Variants in IL1RAPL1 observed in about 807,000 individuals in gnomAD.
IL1RAPL1 encodes the protein interleukin 1 receptor accessory protein like 1, also known as interleukin-1 receptor accessory protein-like 1.
IL1RAPL1 carries 3 observed loss-of-function variants against 48.4 expected under a neutral mutation model. That is an observed-to-expected ratio of 0.06 (90% CI 0.03 to 0.16). The LOEUF is 0.16. Among genes scored for constraint, IL1RAPL1 ranks in the 10% least tolerant of loss-of-function variants. The probability of loss-of-function intolerance (pLI) is 1.00; values close to 1 mark genes in which losing one functional copy is unlikely to be tolerated. For synonymous variants in IL1RAPL1, 185 were observed against 187.7 expected, an observed-to-expected ratio of 0.99 and a Z score of 0.12; for missense variants, 349 against 530.6, an observed-to-expected ratio of 0.66 and a Z score of 3.36.
chrX:28,610,900 G>T (rs1157178327), intron 1 of IL1RAPL1, among the ~76,000 whole-genome samples: 1 of 111,595 alleles, frequency 9.0e-6, no homozygotes, highest in East Asian at 2.8e-4. Flanking sequence ...GATGTAGAGG[G>T]CAGAGTGAGC....
chrX:29,177,187 C>T (rs922468537), intron 2 of IL1RAPL1, among the ~76,000 whole-genome samples: 52 of 111,664 alleles, frequency 4.7e-4, no homozygotes, highest in African/African-American at 1.6e-3. Context: ...AGAGGACATA[C>T]CATAATACAT....
intron 2 of IL1RAPL1, among the ~76,000 whole-genome samples, chrX:29,167,741 A>T (rs1381347652): frequency 9.0e-6 from 1 of 110,827 alleles, no homozygotes; most frequent in Non-Finnish European, 1.9e-5. Flanking sequence ...TACAGGGTGA[A>T]TAAAAGACAT....
At chrX:29,236,545 CTTT>C (rs754996544) in intron 2 of IL1RAPL1, among the ~76,000 whole-genome samples, 3 of 63,197 alleles carry the variant, frequency 4.7e-5, no homozygotes, top group African/African-American at 2.0e-4. Context: ...CTTTTTTTTT[CTTT>C]TTTTTTTTTT....
chrX:28,592,802 A>G (rs1396627625), intron 1 of IL1RAPL1, among the ~76,000 whole-genome samples: 4 of 111,837 alleles, frequency 3.6e-5, no homozygotes, highest in Non-Finnish European at 7.5e-5. Context: ...TTTCTTTTCA[A>G]GGATTCCCAA....
chrX:29,340,383 T>A (rs779431664), intron 3 of IL1RAPL1, among the ~76,000 whole-genome samples: 1 of 111,659 alleles, frequency 9.0e-6, no homozygotes, highest in African/African-American at 3.3e-5. Flanking sequence ...CAATCTACAT[T>A]CTGTTTCTAC....
chrX:29,904,788 T>C (rs2147229065), intron 6 of IL1RAPL1, among the ~76,000 whole-genome samples: 1 of 112,100 alleles, frequency 8.9e-6, no homozygotes, highest in Non-Finnish European at 1.9e-5. Flanking sequence ...GGCATTTGGG[T>C]TGCTTCCAAG....
Position 29,912,606 on chromosome X carries a change from C to T in IL1RAPL1, c.779-4858C>T, listed in dbSNP as rs143878773. ...AAATTAAATGAGTATTTTTTGAAAG[C>T]GCAGGCCTGCATTTTGGAAGAAGTT... On this transcript the variant is annotated intron_variant, in intron 6 of 10. Coordinates refer to ENST00000378993, the MANE Select transcript of IL1RAPL1 (RefSeq NM_014271.4). Among the ~76,000 whole-genome samples, 512 of 111,487 alleles carry T rather than the reference C, an allele frequency of 4.6e-3. 4 individuals carry two copies. The highest frequency in any genetic ancestry group is 0.016 in the African/African-American group (479 of 30,699).
intron 5 of IL1RAPL1, among the ~76,000 whole-genome samples, chrX:29,646,290 C>T (rs1194229941): frequency 9.0e-6 from 1 of 111,280 alleles, no homozygotes; most frequent in Non-Finnish European, 1.9e-5. Context: ...AACCCTGGAA[C>T]TGAAAGATAT....
intron 2 of IL1RAPL1, among the ~76,000 whole-genome samples, chrX:29,213,950 G>C (rs753058388): frequency 1.8e-5 from 2 of 111,427 alleles, no homozygotes; most frequent in South Asian, 7.6e-4. Context: ...CATAAGGGCA[G>C]AGATCTTTGT....
chrX:29,622,763 A>G (rs1602331569), intron 5 of IL1RAPL1, among the ~76,000 whole-genome samples: 1 of 111,607 alleles, frequency 9.0e-6, no homozygotes, highest in East Asian at 2.8e-4. Context: ...TTACTAACTC[A>G]TTTACCATAA....
chrX:29,112,692 G>T (rs1928596568), intron 2 of IL1RAPL1, among the ~76,000 whole-genome samples: 1 of 109,316 alleles, frequency 9.1e-6, no homozygotes, highest in South Asian at 3.9e-4. Flanking sequence ...ATGACCCAAG[G>T]TCCTTCTCTT....
intron 5 of IL1RAPL1, among the ~76,000 whole-genome samples, chrX:29,405,038 C>T (rs1389340658): frequency 4.6e-5 from 5 of 109,872 alleles, no homozygotes; most frequent in South Asian, 3.9e-4. Flanking sequence ...CTCACCCTCC[C>T]GAGTAGCTGG....
chrX:28,760,168 AATT>A (rs1467733130), intron 1 of IL1RAPL1, among the ~76,000 whole-genome samples: 34 of 111,744 alleles, frequency 3.0e-4, no homozygotes, highest in African/African-American at 1.0e-3. Context: ...TGTGAATAAT[AATT>A]ATTATTTAGT....
intron 2 of IL1RAPL1, among the ~76,000 whole-genome samples, chrX:28,893,091 G>A (rs1922815192): frequency 2.7e-5 from 3 of 111,238 alleles, no homozygotes; most frequent in Admixed American, 1.9e-4. Flanking sequence ...CTGGTGAATA[G>A]GAGTATGACT....
intron 3 of IL1RAPL1, among the ~76,000 whole-genome samples, chrX:29,312,311 G>C (rs757560318): frequency 9.0e-6 from 1 of 111,286 alleles, no homozygotes; most frequent in Non-Finnish European, 1.9e-5. Flanking sequence ...TTAGCTGGGC[G>C]TGGTGGTGTG....
chrX:28,949,732 GTCT>G (rs1231822464), intron 2 of IL1RAPL1, among the ~76,000 whole-genome samples: 2 of 109,266 alleles, frequency 1.8e-5, no homozygotes, highest in Non-Finnish European at 3.8e-5. Context: ...CTGCATAAAT[GTCT>G]TCTTTTGAGA....
intron 5 of IL1RAPL1, among the ~76,000 whole-genome samples, chrX:29,574,860 A>G (rs1602305283): frequency 1.8e-5 from 2 of 111,841 alleles, no homozygotes; most frequent in Non-Finnish European, 3.8e-5. Flanking sequence ...GTCTCTCTCA[A>G]GTTCAAAGTT....
intron 2 of IL1RAPL1, among the ~76,000 whole-genome samples, chrX:29,057,956 T>C (rs907128174): frequency 5.3e-5 from 6 of 112,211 alleles, no homozygotes; most frequent in Non-Finnish European, 1.9e-5. Flanking sequence ...GATAGAATTA[T>C]ATGTTAAATA....
chrX:29,789,700 T>C (rs1317704360), intron 6 of IL1RAPL1, among the ~76,000 whole-genome samples: 1 of 110,402 alleles, frequency 9.1e-6, no homozygotes, highest in African/African-American at 3.3e-5. Flanking sequence ...TAAGTGATTC[T>C]TGTAATTTGT....
Sources: gnomAD v4.1 joint callset for allele counts (sites outside exome capture counted in the v4.1 genomes callset) on GRCh38, gnomAD v4.1.1 for gene constraint, MANE v1.5 for transcripts, NCBI Gene and HGNC (gene_info 2026-07-23, HGNC 2026-07-21) for gene names.